The following HMX3 variants were observed in gnomAD, a reference collection of about 807,000 sequenced individuals.
HMX3 encodes H6 family homeobox 3.
Under a neutral mutation model 22.8 loss-of-function variants are expected in HMX3, and 8 were observed. The observed-to-expected ratio is 0.35, with a 90% confidence interval of 0.21 to 0.63. HMX3 has a LOEUF of 0.63. Ranked by LOEUF, HMX3 falls within the 30% of genes least tolerant of loss-of-function variation. The pLI is 0.72. For synonymous variants in HMX3, 331 were observed against 250.9 expected, an observed-to-expected ratio of 1.32 and a Z score of -3.02; for missense variants, 527 against 520.6, an observed-to-expected ratio of 1.01 and a Z score of -0.12.
rs111262615 is a variant in HMX3, at chr10:123,136,764, G to A, written c.401-294G>A. Among the ~76,000 whole-genome samples, 323 of 152,214 alleles carry A rather than the reference G, an allele frequency of 2.1e-3. No homozygotes were observed. The highest frequency in any genetic ancestry group is 7.3e-3 in the African/African-American group (303 of 41,548). ...TGGAAGGAGGGGGTGATTCCAATGCGCCTAAGCCGAAAGGGAACCGTTCTG... is the reference window on the plus strand; with the variant it reads ...TGGAAGGAGGGGGTGATTCCAATGCACCTAAGCCGAAAGGGAACCGTTCTG... On this transcript the variant is annotated intron_variant, in intron 1 of 1. Coordinates refer to ENST00000357878, the MANE Select transcript of HMX3 (RefSeq NM_001105574.2). The surrounding 1 kb of genome is among the most constrained non-coding windows in gnomAD (Gnocchi z 4.8).
In HMX3 at chr10:123,137,542, G is replaced by A. The variant is rs1844091992; in HGVS notation, c.885G>A (p.Leu295=). The change falls in exon 2 of 2, where the codon CTG becomes CTA. Residue 295 remains leucine (L), a synonymous_variant. Coordinates refer to ENST00000357878, the MANE Select transcript of HMX3 (RefSeq NM_001105574.2). The surrounding 1 kb of genome is among the most constrained non-coding windows in gnomAD (Gnocchi z 5.8). ...QLAAELEAAN[L]SHAAAQRIVR... ...CGGCGGAGCTGGAGGCGGCCAACCT[G>A]AGCCATGCCGCGGCGCAGCGCATCG... is the stretch of plus-strand genomic sequence containing the variant. 2.5e-6 allele frequency: 4 copies of A among 1,610,918 alleles called. No individual in the cohort carries two copies. The highest frequency in any genetic ancestry group is 3.4e-6 in the Non-Finnish European group (4 of 1,179,444).
Position 123,137,824 on chromosome 10 carries a change from G to A in HMX3, c.*93G>A. 1 of 980,928 alleles carries A rather than the reference G, an allele frequency of 1.0e-6. No homozygotes were observed. Among genetic ancestry groups the A allele is most frequent in the Non-Finnish European group, 1.4e-6 (1 of 711,334 alleles). The allele number at this position is 980,928 out of a possible 1,614,324, so 60.8% of individuals were successfully genotyped here. A position where few individuals can be genotyped will look rare whatever the true frequency, so the allele number is the denominator to read the frequency against. Reference sequence around the variant, plus strand: ...GCCGAGGGCGCCGAGAAGTCCAGCGGCCTTCAGGAACTGGGGCTTGGGCGC... The same window carrying A: ...GCCGAGGGCGCCGAGAAGTCCAGCGACCTTCAGGAACTGGGGCTTGGGCGC... On this transcript the variant is annotated 3_prime_UTR_variant, in exon 2 of 2. Coordinates refer to ENST00000357878, the MANE Select transcript of HMX3 (RefSeq NM_001105574.2). This position sits in a 1 kb window ranked among gnomAD's most constrained non-coding sequence, Gnocchi z 5.8.
chr10:123,137,241 C>A lies in HMX3; in HGVS notation c.584C>A (p.Ala195Glu). The A allele has an allele frequency of 6.3e-7, 1 of 1,592,818 alleles. No individual in the cohort carries two copies. Among genetic ancestry groups the A allele is most frequent in the Non-Finnish European group, 8.5e-7 (1 of 1,169,808 alleles). The change falls in exon 2 of 2, where the codon GCG (alanine) becomes GAG (glutamate). Residue 195 changes from alanine (A) to glutamate (E), a missense_variant. Physicochemically the swap from Ala to Glu is moderately radical, Grantham distance 107 (BLOSUM62 -1). Transcript: ENST00000357878. The surrounding 1 kb of genome is among the most constrained non-coding windows in gnomAD (Gnocchi z 5.8). ...AAGGAAGGCGAAGCGGCGCCAGGCG[C>A]GGCCGGGGCGAGCGTAGGGGCGGCG... is the stretch of plus-strand genomic sequence containing the variant. The part of the protein sequence containing the change: ...SKKEGEAAPG[A>E]AGASVGAAAA...
Position 123,137,239 on chromosome 10 carries a change from C to T in HMX3, c.582C>T (p.Gly194=). The T allele has an allele frequency of 6.3e-7, 1 of 1,593,694 alleles. No individual in the cohort carries two copies. Among genetic ancestry groups the T allele is most frequent in the Non-Finnish European group, 8.5e-7 (1 of 1,170,310 alleles). The change falls in exon 2 of 2, where the codon GGC becomes GGT. Residue 194 remains glycine (G), a synonymous_variant. Coordinates refer to ENST00000357878, the MANE Select transcript of HMX3 (RefSeq NM_001105574.2). The surrounding 1 kb of genome is among the most constrained non-coding windows in gnomAD (Gnocchi z 5.8). Reference sequence around the variant, plus strand: ...AAAAGGAAGGCGAAGCGGCGCCAGGCGCGGCCGGGGCGAGCGTAGGGGCGG... The same window carrying T: ...AAAAGGAAGGCGAAGCGGCGCCAGGTGCGGCCGGGGCGAGCGTAGGGGCGG... ...ESKKEGEAAP[G]AAGASVGAAA...
Position 123,136,101 on chromosome 10 carries a change from A to G in HMX3, c.51A>G (p.Gln17=), listed in dbSNP as rs2133548561. 7.2e-7 allele frequency: 1 copy of G among 1,386,892 alleles called. No individual in the cohort carries two copies. The highest frequency in any genetic ancestry group is 9.4e-7 in the Non-Finnish European group (1 of 1,069,004). 85.9% of individuals were successfully genotyped at this position (1,386,892 alleles called of 1,614,324 possible). A position where few individuals can be genotyped will look rare whatever the true frequency, so the allele number is the denominator to read the frequency against. ...CCGGCACCGCCAGCGCACAGCCCCAACCGCCGCCGCCCCCCCCACCCGCTC... is the reference window on the plus strand; with the variant it reads ...CCGGCACCGCCAGCGCACAGCCCCAGCCGCCGCCGCCCCCCCCACCCGCTC... ...DAAGTASAQP[Q]PPPPPPPAPK... is the part of the protein sequence containing the mutation. The change falls in exon 1 of 2, where the codon CAA becomes CAG. Residue 17 remains glutamine, a synonymous_variant. Transcript: ENST00000357878. This position sits in a 1 kb window ranked among gnomAD's most constrained non-coding sequence, Gnocchi z 4.8.
In HMX3 at chr10:123,135,994, C is replaced by CCCCGCCGCCCGCCTGT; in HGVS notation, c.-51_-36dup. On this transcript the variant is annotated 5_prime_UTR_variant, in exon 1 of 2. Transcript: ENST00000357878. ...TGATTTCCGGCCTCTCGCCTGCTCGCCCCGCCGCCCGCCTGTCCCGCTCCC... is the reference window on the plus strand; with the variant it reads ...TGATTTCCGGCCTCTCGCCTGCTCGCCCCGCCGCCCGCCTGTCCCGCCGCCCGCCTGTCCCGCTCCC... 7.7e-7 allele frequency: 1 copy of CCCCGCCGCCCGCCTGT among 1,302,256 alleles called. No homozygotes were observed. The highest frequency in any genetic ancestry group is 2.4e-5 in the South Asian group (1 of 41,350). 80.7% of individuals were successfully genotyped at this position (1,302,256 alleles called of 1,614,324 possible).
rs771457775 is a variant in HMX3 at position 123,136,068 on chromosome 10, G to C, written c.18G>C (p.Pro6=). Residue 6 remains proline, a synonymous_variant, in exon 1 of 2, where the codon CCG becomes CCC. Transcript: ENST00000357878. The surrounding 1 kb of genome is among the most constrained non-coding windows in gnomAD (Gnocchi z 4.8). MPEPG[P]DAAGTASAQP... Reference sequence around the variant, plus strand: ...AGGGGACCATGCCGGAACCCGGGCCGGACGCTGCCGGCACCGCCAGCGCAC... The same window carrying C: ...AGGGGACCATGCCGGAACCCGGGCCCGACGCTGCCGGCACCGCCAGCGCAC... The C allele has an allele frequency of 7.2e-7, 1 of 1,392,734 alleles. No homozygotes were observed. Among genetic ancestry groups the C allele is most frequent in the Non-Finnish European group, 9.3e-7 (1 of 1,071,578 alleles). 86.3% of individuals were successfully genotyped at this position (1,392,734 alleles called of 1,614,324 possible). A position where few individuals can be genotyped will look rare whatever the true frequency, so the allele number is the denominator to read the frequency against.
rs1224712279 is a variant in HMX3, at chr10:123,138,089, A to G, written c.*358A>G. On this transcript the variant is annotated 3_prime_UTR_variant, in exon 2 of 2. Transcript: ENST00000357878. ...CATTGCGCGGTGGCTTTTTGGTTTT[A>G]TTTTTATAGAAGGAAAATAAGCGCA... is the stretch of plus-strand genomic sequence containing the variant. Among the ~76,000 whole-genome samples the G allele has an allele frequency of 6.8e-6, 1 of 146,944 alleles. No individual in the cohort carries two copies. Among genetic ancestry groups the G allele is most frequent in the African/African-American group, 2.5e-5 (1 of 39,960 alleles).
Position 123,137,697 on chromosome 10 carries a change from T to A in HMX3, c.1040T>A (p.Val347Glu). 4 of 1,465,996 alleles carry A rather than the reference T, an allele frequency of 2.7e-6. No individual in the cohort carries two copies. Among genetic ancestry groups the A allele is most frequent in the Non-Finnish European group, 3.6e-6 (4 of 1,116,374 alleles). 90.8% of individuals were successfully genotyped at this position (1,465,996 alleles called of 1,614,324 possible). Residue 347 changes from valine (V) to glutamate (E), a missense_variant, in exon 2 of 2, where the codon GTG (valine) becomes GAG (glutamate). Coordinates refer to ENST00000357878, the MANE Select transcript of HMX3 (RefSeq NM_001105574.2). The surrounding 1 kb of genome is among the most constrained non-coding windows in gnomAD (Gnocchi z 5.8). ...CACCCCGTCTACTACTCGCACCCGG[T>A]GGTCTCTTCCGTGCCGCTGCTACGG... ...FPHPVYYSHP[V>E]VSSVPLLRPV
Position 123,136,528 on chromosome 10 carries a change from G to T in HMX3, c.400+78G>T. ...CCGCCCCGCGCTGCTTCCCTCCGCA[G>T]TTCTGGGACCCCAGCACCCGCAAAC... On this transcript the variant is annotated intron_variant, in intron 1 of 1. Coordinates refer to ENST00000357878, the MANE Select transcript of HMX3 (RefSeq NM_001105574.2). This position sits in a 1 kb window ranked among gnomAD's most constrained non-coding sequence, Gnocchi z 4.8. 1 of 1,171,480 alleles carries T rather than the reference G, an allele frequency of 8.5e-7. No individual in the cohort carries two copies. The highest frequency in any genetic ancestry group is 1.1e-6 in the Non-Finnish European group (1 of 902,456). 72.6% of individuals were successfully genotyped at this position (1,171,480 alleles called of 1,614,324 possible).
At position 123,136,087 on chromosome 10, in the gene HMX3, A is replaced by G. The variant is rs761077862; in HGVS notation, c.37A>G (p.Ser13Gly). The part of the protein sequence containing the change: ...EPGPDAAGTA[S>G]AQPQPPPPPP... ...CGGGCCGGACGCTGCCGGCACCGCC[A>G]GCGCACAGCCCCAACCGCCGCCGCC... The change falls in exon 1 of 2, where the codon AGC (serine) becomes GGC (glycine). Residue 13 changes from serine to glycine, a missense_variant. Physicochemically the swap from Ser to Gly is moderately conservative, Grantham distance 56 (BLOSUM62 0). Around this residue, in one of 3 missense-constraint regions of HMX3, gnomAD observed 386 missense variants for 337.8 expected, o/e 1.14. Coordinates refer to ENST00000357878, the MANE Select transcript of HMX3 (RefSeq NM_001105574.2). The surrounding 1 kb of genome is among the most constrained non-coding windows in gnomAD (Gnocchi z 4.8). 3 of 1,397,176 alleles carry G rather than the reference A, an allele frequency of 2.1e-6. No homozygotes were observed. Among genetic ancestry groups the G allele is most frequent in the Non-Finnish European group, 1.9e-6 (2 of 1,074,870 alleles). 86.5% of individuals were successfully genotyped at this position (1,397,176 alleles called of 1,614,324 possible).
chr10:123,136,047 G>T lies in HMX3; in HGVS notation c.-4G>T. 7.2e-7 allele frequency: 1 copy of T among 1,382,640 alleles called. No homozygotes were observed. Among genetic ancestry groups the T allele is most frequent in the Non-Finnish European group, 9.4e-7 (1 of 1,066,694 alleles). The allele number at this position is 1,382,640 out of a possible 1,614,324, so 85.6% of individuals were successfully genotyped here. On this transcript the variant is annotated 5_prime_UTR_variant, in exon 1 of 2. Transcript: ENST00000357878. The surrounding 1 kb of genome is among the most constrained non-coding windows in gnomAD (Gnocchi z 4.8). ...CCTCCCGGGGACCCGGAGGAGAGGG[G>T]ACCATGCCGGAACCCGGGCCGGACG...
chr10:123,136,257 T>G lies in HMX3; in HGVS notation c.207T>G (p.Ala69=), dbSNP rs1844072504. 6.6e-6 allele frequency: 9 copies of G among 1,363,238 alleles called. No homozygotes were observed. The highest frequency in any genetic ancestry group is 8.5e-6 in the Non-Finnish European group (9 of 1,060,650). 84.4% of individuals were successfully genotyped at this position (1,363,238 alleles called of 1,614,324 possible). ...CTGCCGCCGCCGCCGCCGCTGCCGC[T>G]GCCGCGGCGGCCAAGGGGGCCCTGG... ...ASAAAAAAAA[A]AAAAKGALEG... The change falls in exon 1 of 2, where the codon GCT becomes GCG. Residue 69 remains alanine, a synonymous_variant. Coordinates refer to ENST00000357878, the MANE Select transcript of HMX3 (RefSeq NM_001105574.2). The surrounding 1 kb of genome is among the most constrained non-coding windows in gnomAD (Gnocchi z 4.8).
At position 123,139,204 on chromosome 10, in the gene HMX3, T is replaced by G. The variant is rs1844112321; in HGVS notation, c.*1473T>G. Among the ~76,000 whole-genome samples the G allele has an allele frequency of 6.6e-6, 1 of 152,200 alleles. No individual in the cohort carries two copies. On this transcript the variant is annotated 3_prime_UTR_variant, in exon 2 of 2. Transcript: ENST00000357878. ...ATAAATGTACAGATTTCTTGTAAAG[T>G]TCACCCTCTACTCCGCAGGGCTCCT...
At position 123,136,559 on chromosome 10, in the gene HMX3, G is replaced by T; in HGVS notation, c.400+109G>T. ...GGACCCCAGCACCCGCAAACCCTCT[G>T]CTCGGTCAGTTTTTTTCGGCCCCTA... is the stretch of plus-strand genomic sequence containing the variant. On this transcript the variant is annotated intron_variant, in intron 1 of 1. Coordinates refer to ENST00000357878, the MANE Select transcript of HMX3 (RefSeq NM_001105574.2). This position sits in a 1 kb window ranked among gnomAD's most constrained non-coding sequence, Gnocchi z 4.8. 1 of 923,028 alleles carries T rather than the reference G, an allele frequency of 1.1e-6. No homozygotes were observed. 57.2% of individuals were successfully genotyped at this position (923,028 alleles called of 1,614,324 possible).
rs1168152709 is a variant in HMX3, at chr10:123,137,260, G to A, written c.603G>A (p.Gly201=). The A allele has an allele frequency of 1.9e-6, 3 of 1,590,896 alleles. No individual in the cohort carries two copies. Among genetic ancestry groups the A allele is most frequent in the East Asian group, 4.6e-5 (2 of 43,708 alleles). Residue 201 remains glycine (G), a synonymous_variant, in exon 2 of 2, where the codon GGG becomes GGA. Coordinates refer to ENST00000357878, the MANE Select transcript of HMX3 (RefSeq NM_001105574.2). The surrounding 1 kb of genome is among the most constrained non-coding windows in gnomAD (Gnocchi z 5.8). ...CAGGCGCGGCCGGGGCGAGCGTAGG[G>A]GCGGCGGCGGCCACTCCGGGCGCAG... ...AAPGAAGASV[G]AAAATPGAED...
Position 123,139,210 on chromosome 10 carries a change from C to T in HMX3, c.*1479C>T, listed in dbSNP as rs1322520237. The stretch of plus-strand genomic sequence containing the variant: ...GTACAGATTTCTTGTAAAGTTCACC[C>T]TCTACTCCGCAGGGCTCCTGGCTCT... On this transcript the variant is annotated 3_prime_UTR_variant, in exon 2 of 2. Transcript: ENST00000357878. Among the ~76,000 whole-genome samples, 3 of 152,120 alleles carry T rather than the reference C, an allele frequency of 2.0e-5. No individual in the cohort carries two copies. Among genetic ancestry groups the T allele is most frequent in the African/African-American group, 7.2e-5 (3 of 41,410 alleles).
Position 123,137,350 on chromosome 10 carries a change from C to G in HMX3, c.693C>G (p.Arg231=). 1 of 1,612,990 alleles carries G rather than the reference C, an allele frequency of 6.2e-7. No homozygotes were observed. Among genetic ancestry groups the G allele is most frequent in the East Asian group, 2.2e-5 (1 of 44,850 alleles). Residue 231 remains arginine, a synonymous_variant, in exon 2 of 2, where the codon CGC becomes CGG. Coordinates refer to ENST00000357878, the MANE Select transcript of HMX3 (RefSeq NM_001105574.2). This position sits in a 1 kb window ranked among gnomAD's most constrained non-coding sequence, Gnocchi z 5.8. ...KKPACRKKKT[R]TVFSRSQVFQ... ...CGGCGTGCCGCAAGAAGAAGACGCG[C>G]ACAGTCTTCTCGCGCAGCCAGGTCT...
Position 123,136,408 on chromosome 10 carries a change from T to C in HMX3, c.358T>C (p.Tyr120His). ...GCGCTCCCCAGCCTGGTGGTACCCC[T>C]ACACCCTGACCCCCGCCGGCGGCCA... ...LERSPAWWYPYTLTPAGGHLP... is the reference protein window; with the variant it reads ...LERSPAWWYPHTLTPAGGHLP... The change falls in exon 1 of 2, where the codon TAC (tyrosine) becomes CAC (histidine). Residue 120 changes from tyrosine (Y) to histidine (H), a missense_variant. Physicochemically the swap from Tyr to His is moderately conservative, Grantham distance 83. Transcript: ENST00000357878. The surrounding 1 kb of genome is among the most constrained non-coding windows in gnomAD (Gnocchi z 4.8). 6.5e-7 allele frequency: 1 copy of C among 1,545,260 alleles called. No individual in the cohort carries two copies.
Sources: gnomAD v4.1 joint callset for allele counts (sites outside exome capture counted in the v4.1 genomes callset) on GRCh38, gnomAD v4.1.1 for gene constraint, gnomAD v4.1.1 regional missense constraint, Gnocchi (gnomAD v3.1) non-coding constraint, MANE v1.5 for transcripts, NCBI Gene and HGNC (gene_info 2026-07-23, HGNC 2026-07-21) for gene names.